Variants in WDFY3 observed in about 807,000 individuals in gnomAD.
WDFY3 encodes WD repeat and FYVE domain-containing protein 3.
WDFY3 carries 66 observed loss-of-function variants against 409.6 expected under a neutral mutation model. The observed-to-expected ratio is 0.16, with a 90% CI of 0.13 to 0.20. WDFY3 has a LOEUF of 0.20. WDFY3 is among the 10% of genes least tolerant of loss of function. The pLI is 1.00. For synonymous variants in WDFY3, 1,521 were observed against 1,537.1 expected, an observed-to-expected ratio of 0.99 and a Z score of 0.25; for missense variants, 3,031 against 4,298.1, an observed-to-expected ratio of 0.71 and a Z score of 8.24.
At chr4:84,724,795 T>C (rs916590742) in intron 45 of WDFY3, among the ~76,000 whole-genome samples, 3 of 152,208 alleles carry the variant, frequency 2.0e-5, no homozygotes, top group Non-Finnish European at 4.4e-5. Flanking sequence ...AAGACATACA[T>C]AAAACAACAA....
chr4:84,962,533 A>G (rs1446798155), intron 1 of WDFY3, among the ~76,000 whole-genome samples: 1 of 152,204 alleles, frequency 6.6e-6, no homozygotes, highest in Admixed American at 6.5e-5. Flanking sequence ...TGAACTTTTT[A>G]GAGTAACGGA....
intron 17 of WDFY3, 62 bp from the exon 18 acceptor site, chr4:84,798,170 A>AAC: frequency 7.4e-7 from 1 of 1,344,092 alleles, no homozygotes; most frequent in African/African-American, 1.5e-5. Context: ...TCATTAACCA[A>AAC]ATATTCAGAA....
At chr4:84,758,577 T>C (rs1741873373) in intron 32 of WDFY3, among the ~76,000 whole-genome samples, 1 of 152,130 alleles carries the variant, frequency 6.6e-6, no homozygotes, top group South Asian at 2.1e-4. Flanking sequence ...CAACTTCTTT[T>C]TTTCTGGAGT....
chr4:84,761,282 G>A (rs1378408544), intron 32 of WDFY3, among the ~76,000 whole-genome samples: 2 of 152,190 alleles, frequency 1.3e-5, no homozygotes, highest in African/African-American at 4.8e-5. Flanking sequence ...TGTATATTCT[G>A]TTGATTTGGG....
chr4:84,892,639 G>A (rs1220656948), intron 3 of WDFY3, among the ~76,000 whole-genome samples: 1 of 152,060 alleles, frequency 6.6e-6, no homozygotes, highest in Non-Finnish European at 1.5e-5. Context: ...GTTGCCTATT[G>A]TTTGCTGAAT....
chr4:84,846,246 A>G (rs1309011286), intron 5 of WDFY3, among the ~76,000 whole-genome samples: 1 of 152,166 alleles, frequency 6.6e-6, no homozygotes, highest in Non-Finnish European at 1.5e-5. Context: ...AAAAAAATGT[A>G]TCTTAAAAAA....
intron 14 of WDFY3, chr4:84,809,595 AC>A (rs1478699962): frequency 4.9e-5 from 13 of 267,350 alleles, no homozygotes; most frequent in South Asian, 8.0e-5. Flanking sequence ...AAGAAAAAAA[AC>A]AACAGTAAAC....
chr4:84,817,344 C>A, intron 13 of WDFY3, 48 bp downstream of exon 13: 6 of 1,600,530 alleles, frequency 3.7e-6, no homozygotes, highest in Non-Finnish European at 5.1e-6. Flanking sequence ...CTAAAAATAA[C>A]CACAGATTTT....
intron 62 of WDFY3, among the ~76,000 whole-genome samples, 181 bp from the exon 63 acceptor site, chr4:84,684,306 G>C (rs1446240090): frequency 6.6e-6 from 1 of 152,156 alleles, no homozygotes; most frequent in Non-Finnish European, 1.5e-5. Flanking sequence ...ACTCCGAACA[G>C]AGGCTTCTTT....
chr4:84,750,077 A>T (rs1298236215), intron 36 of WDFY3, among the ~76,000 whole-genome samples: 1 of 152,096 alleles, frequency 6.6e-6, no homozygotes, highest in Non-Finnish European at 1.5e-5. Flanking sequence ...TTTTTTGATC[A>T]GTTATGCTTT....
intron 2 of WDFY3, among the ~76,000 whole-genome samples, chr4:84,899,198 A>G (rs774046019): frequency 2.0e-5 from 3 of 152,244 alleles, no homozygotes; most frequent in Non-Finnish European, 2.9e-5. Context: ...ACTAATTCAA[A>G]CAAAAATTAC....
At chr4:84,892,054 T>A (rs1002364951) in intron 3 of WDFY3, among the ~76,000 whole-genome samples, 3 of 149,712 alleles carry the variant, frequency 2.0e-5, no homozygotes, top group Non-Finnish European at 4.4e-5. Context: ...ATGCAATCCC[T>A]AACATAAGTC....
In WDFY3 at chr4:84,755,352, T is replaced by C; in HGVS notation, c.5473A>G (p.Ser1825Gly). 3 of 1,612,164 alleles carry C rather than the reference T, an allele frequency of 1.9e-6. No homozygotes were observed. The highest frequency in any genetic ancestry group is 2.5e-6 in the Non-Finnish European group (3 of 1,179,602). Residue 1825 changes from serine (S) to glycine (G), a missense_variant, in exon 34 of 68, where the codon AGC becomes GGC. This residue lies in a region of WDFY3 where 342 missense variants were observed against 463.7 expected (regional missense o/e 0.74). Coordinates refer to ENST00000295888, the MANE Select transcript of WDFY3 (RefSeq NM_014991.6). Reference sequence around the variant, plus strand: ...TGGATAGAAGAGACCACAGTTCCGCTGGAGGCAGGAACTCCAAAGATGAAT... The same window carrying C: ...TGGATAGAAGAGACCACAGTTCCGCCGGAGGCAGGAACTCCAAAGATGAAT... ...WTFIFGVPAS[S>G]GTVVSSIHNV...
chr4:84,731,598 G>A (rs534959847), intron 44 of WDFY3, among the ~76,000 whole-genome samples: 19 of 152,190 alleles, frequency 1.2e-4, no homozygotes, highest in African/African-American at 4.3e-4. Flanking sequence ...AATTCCATCT[G>A]GTGCATACTT....
chr4:84,697,300 T>C (rs993160080), intron 56 of WDFY3, among the ~76,000 whole-genome samples: 8 of 152,244 alleles, frequency 5.3e-5, no homozygotes, highest in Non-Finnish European at 1.0e-4. Flanking sequence ...AAGAGGTTTC[T>C]CATATCGCTG....
At chr4:84,727,654 G>A (rs1735883422) in intron 44 of WDFY3, among the ~76,000 whole-genome samples, 1 of 152,202 alleles carries the variant, frequency 6.6e-6, no homozygotes, top group African/African-American at 2.4e-5. Context: ...GGTAGCTACA[G>A]ACAATAATGC....
At chr4:84,940,022 C>T (rs553378259) in intron 1 of WDFY3, among the ~76,000 whole-genome samples, 1 of 152,178 alleles carries the variant, frequency 6.6e-6, no homozygotes, top group South Asian at 2.1e-4. Flanking sequence ...ATCATGAACT[C>T]ACTGATACCT....
At chr4:84,748,397 C>A (rs778097765) in intron 36 of WDFY3, among the ~76,000 whole-genome samples, 25 of 152,074 alleles carry the variant, frequency 1.6e-4, no homozygotes, top group Admixed American at 5.2e-4. Flanking sequence ...ACAGCTATAT[C>A]CAGCACACAT....
chr4:84,716,836 A>G, intron 49 of WDFY3, 60 bp downstream of exon 49: 2 of 1,334,234 alleles, frequency 1.5e-6, no homozygotes, highest in Non-Finnish European at 2.0e-6. Context: ...AAAATAAAAT[A>G]AAACAATACA....
Sources: allele counts gnomAD v4.1 joint callset (sites outside exome capture counted in the v4.1 genomes callset), GRCh38; gene constraint gnomAD v4.1.1; regional missense constraint gnomAD v4.1.1; transcripts MANE v1.5; gene names NCBI Gene and HGNC (gene_info 2026-07-23, HGNC 2026-07-21).